Variants in ARPP21 observed in about 807,000 individuals in gnomAD.
ARPP21 encodes the protein cAMP-regulated phosphoprotein 21.
A neutral mutation model predicts 113.2 loss-of-function variants in ARPP21; 69 were observed. That is an observed-to-expected ratio of 0.61 (90% confidence interval 0.50 to 0.74). The LOEUF is 0.74. Ranked by LOEUF, ARPP21 falls within the 30% of genes least tolerant of loss-of-function variation. The probability of loss-of-function intolerance (pLI) is 0.00; values close to 1 mark genes in which losing one functional copy is unlikely to be tolerated. For missense variants in ARPP21, 1,070 were observed against 1,037.4 expected (o/e 1.03, Z -0.43); for synonymous variants, 368 against 375.5 (o/e 0.98, Z 0.23).
intron 19 of ARPP21, among the ~76,000 whole-genome samples, chr3:35,777,141 C>T (rs2096395521): frequency 1.3e-5 from 2 of 152,106 alleles, no homozygotes; most frequent in Non-Finnish European, 2.9e-5. Context: ...TTGTTTTTGG[C>T]AGATCCATCT....
chr3:35,702,042 A>T (rs909261861), intron 9 of ARPP21, among the ~76,000 whole-genome samples: 3 of 151,734 alleles, frequency 2.0e-5, no homozygotes, highest in African/African-American at 7.2e-5. Flanking sequence ...TTAAGCTAAT[A>T]ATTTGCATTA....
chr3:35,716,034 G>A (rs981128819), intron 12 of ARPP21, among the ~76,000 whole-genome samples: 1 of 152,044 alleles, frequency 6.6e-6, no homozygotes, highest in African/African-American at 2.4e-5. Flanking sequence ...GAGTTAGTAG[G>A]GGGAGGTAGT....
chr3:35,763,577 G>A (rs1443001270), intron 19 of ARPP21, among the ~76,000 whole-genome samples: 1 of 152,116 alleles, frequency 6.6e-6, no homozygotes. Context: ...ACCACATGGA[G>A]CTTGGACGGT....
chr3:35,765,624 A>G (rs918907499), intron 19 of ARPP21, among the ~76,000 whole-genome samples: 8 of 152,186 alleles, frequency 5.3e-5, no homozygotes, highest in Admixed American at 5.2e-4. Flanking sequence ...AAATGAAGAC[A>G]GAGTGCTTTC....
At chr3:35,669,642 T>A (rs2075825270) in intron 1 of ARPP21, among the ~76,000 whole-genome samples, 1 of 152,162 alleles carries the variant, frequency 6.6e-6, no homozygotes, top group Non-Finnish European at 1.5e-5. Context: ...TCTTTTCAAG[T>A]GCAAGGTTAC....
chr3:35,787,999 T>C (rs987731710), intron 19 of ARPP21, among the ~76,000 whole-genome samples: 2 of 152,182 alleles, frequency 1.3e-5, no homozygotes, highest in African/African-American at 4.8e-5. Flanking sequence ...CCTCCTAAGA[T>C]TGTCATAACA....
At chr3:35,665,007 G>A (rs1432103257) in intron 1 of ARPP21, among the ~76,000 whole-genome samples, 2 of 152,190 alleles carry the variant, frequency 1.3e-5, no homozygotes, top group Non-Finnish European at 2.9e-5. Flanking sequence ...CATGAAAAAT[G>A]TTAGGTCACT....
In ARPP21 at chr3:35,717,364, A is replaced by G. The variant is rs1441944365; in HGVS notation, c.995+7A>G. 3 of 1,578,136 alleles carry G rather than the reference A, an allele frequency of 1.9e-6. No homozygotes were observed. The highest frequency in any genetic ancestry group is 2.6e-6 in the Non-Finnish European group (3 of 1,147,728). ...AGAAAAGACAGCTCTTTCGGTTGGT[A>G]TGGTTTACTTTCTTAAACTGTGTTT... On this transcript the variant is annotated splice_region_variant and intron_variant, in intron 13 of 20. Transcript: ENST00000684406.
intron 12 of ARPP21, among the ~76,000 whole-genome samples, chr3:35,716,149 A>G (rs1417607663): frequency 6.6e-6 from 1 of 152,068 alleles, no homozygotes; most frequent in Admixed American, 6.6e-5. Flanking sequence ...CTAAATTGAC[A>G]TATATATTAA....
chr3:35,723,302 G>A (rs2093273375), intron 14 of ARPP21, among the ~76,000 whole-genome samples: 1 of 152,176 alleles, frequency 6.6e-6, no homozygotes, highest in Admixed American at 6.5e-5. Flanking sequence ...TTAGGTTGTT[G>A]ACAAATTCCT....
At chr3:35,785,655 C>T (rs2096616745) in intron 19 of ARPP21, among the ~76,000 whole-genome samples, 1 of 152,098 alleles carries the variant, frequency 6.6e-6, no homozygotes, top group African/African-American at 2.4e-5. Context: ...TAGAAAATGA[C>T]CCATGCATGA....
chr3:35,666,055 G>T (rs2074288108), intron 1 of ARPP21, among the ~76,000 whole-genome samples: 1 of 152,058 alleles, frequency 6.6e-6, no homozygotes, highest in Admixed American at 6.6e-5. Flanking sequence ...GTTGGAAGTA[G>T]GAGCTGATTA....
At chr3:35,762,002 A>G (rs1309808967) in intron 19 of ARPP21, among the ~76,000 whole-genome samples, 1 of 151,966 alleles carries the variant, frequency 6.6e-6, no homozygotes, top group Non-Finnish European at 1.5e-5. Flanking sequence ...TGTGATTTTT[A>G]CAACATGTTT....
intron 1 of ARPP21, among the ~76,000 whole-genome samples, chr3:35,663,999 C>T (rs1192187012): frequency 6.6e-6 from 1 of 152,172 alleles, no homozygotes; most frequent in Non-Finnish European, 1.5e-5. Context: ...ACTGTCCAGT[C>T]GTCCGTGTTC....
At chr3:35,684,528 T>C (rs1330139241) in intron 5 of ARPP21, 19 of 985,494 alleles carry the variant, frequency 1.9e-5, no homozygotes, top group Non-Finnish European at 2.3e-5. Flanking sequence ...AGGCATCATA[T>C]TAGCTTTTAT....
intron 1 of ARPP21, among the ~76,000 whole-genome samples, chr3:35,673,435 T>C (rs1326750875): frequency 1.3e-5 from 2 of 152,008 alleles, no homozygotes; most frequent in Non-Finnish European, 2.9e-5. Context: ...AGATGGGCAA[T>C]TTAAACTTCT....
chr3:35,714,242 G>C (rs949300311), intron 11 of ARPP21, among the ~76,000 whole-genome samples: 1 of 151,342 alleles, frequency 6.6e-6, no homozygotes, highest in African/African-American at 2.4e-5. Flanking sequence ...CGATTCTAGA[G>C]ACACCTTCAC....
chr3:35,793,755 A>G lies in ARPP21; in HGVS notation c.2341A>G (p.Ile781Val), dbSNP rs1414785676. 1 of 1,613,940 alleles carries G rather than the reference A, an allele frequency of 6.2e-7. No homozygotes were observed. The highest frequency in any genetic ancestry group is 1.7e-5 in the Admixed American group (1 of 60,024). Residue 781 changes from isoleucine (I) to valine (V), a missense_variant, in exon 21 of 21, where the codon ATC (isoleucine) becomes GTC (valine). Physicochemically the swap from Ile to Val is conservative, Grantham distance 29. Transcript: ENST00000684406. The stretch of plus-strand genomic sequence containing the variant: ...GCCCCAGCAGTCATACCAACAGCCA[A>G]TCATGCTACCTAACCAGGCAGGTCA... Reference protein sequence around the residue: ...GLPQQSYQQPIMLPNQAGQGS... With the variant: ...GLPQQSYQQPVMLPNQAGQGS...
At chr3:35,715,598 T>C (rs886478267) in intron 12 of ARPP21, 122 bp downstream of exon 12, 2 of 742,576 alleles carry the variant, frequency 2.7e-6, no homozygotes, top group Non-Finnish European at 4.6e-6. Flanking sequence ...AGCAGATACA[T>C]ATATCTATGC....
Sources: gnomAD v4.1 joint callset for allele counts (sites outside exome capture counted in the v4.1 genomes callset) on GRCh38, gnomAD v4.1.1 for gene constraint, MANE v1.5 for transcripts, NCBI Gene and HGNC (gene_info 2026-07-23, HGNC 2026-07-21) for gene names.